The following ZC3H14 variants were observed in gnomAD, a reference collection of about 807,000 sequenced individuals.
ZC3H14 encodes zinc finger CCCH-type containing 14.
In ZC3H14, 31 loss-of-function variants were observed where a neutral mutation model predicts 92.4. That is an observed-to-expected ratio of 0.34 (90% confidence interval 0.25 to 0.45). The LOEUF (loss-of-function observed/expected upper bound fraction) is 0.45, where lower values mean the gene tolerates loss of function less well. ZC3H14 is among the 20% of genes least tolerant of loss of function. ZC3H14 has a pLI of 1.00. For synonymous variants in ZC3H14, 321 were observed against 300.9 expected, an observed-to-expected ratio of 1.07 and a Z score of -0.69; for missense variants, 781 against 897.3, an observed-to-expected ratio of 0.87 and a Z score of 1.66.
chr14:88,604,942 A>G (rs1296630250), intron 12 of ZC3H14, among the ~76,000 whole-genome samples: 1 of 152,208 alleles, frequency 6.6e-6, no homozygotes, highest in Admixed American at 6.5e-5. Flanking sequence ...TTGAACAGAA[A>G]GTTTTAATAG....
rs559007426 is a variant in ZC3H14, at chr14:88,563,082, T to C, written c.-52T>C. The stretch of plus-strand genomic sequence containing the variant: ...TGCGGGGTAGGAGTCCGCGGCAGCC[T>C]CCGGGTAAGCCAAGCGCCGCGCAGT... On this transcript the variant is annotated 5_prime_UTR_variant, in exon 1 of 17. Transcript: ENST00000251038. 7.7e-6 allele frequency: 12 copies of C among 1,553,260 alleles called. No homozygotes were observed. In the South Asian group the frequency reaches 1.3e-4, roughly 17 times the overall value.
At position 88,616,165 on chromosome 14, in the gene ZC3H14, A is replaced by G; in HGVS notation, c.*4414A>G. 6.2e-7 allele frequency: 1 copy of G among 1,613,922 alleles called. No homozygotes were observed. ...ACCTGCAGTCATCACCTCCAGCACT[A>G]ACAACATGTCGATCACCACTGGTAA... On this transcript the variant is annotated 3_prime_UTR_variant, in exon 17 of 17. Transcript: ENST00000251038.
Position 88,602,962 on chromosome 14 carries a change from C to A in ZC3H14, c.1649C>A (p.Thr550Asn), listed in dbSNP as rs769850737. The A allele has an allele frequency of 3.7e-6, 6 of 1,614,164 alleles. No homozygotes were observed. Among genetic ancestry groups the A allele is most frequent in the South Asian group, 2.2e-5 (2 of 91,078 alleles). Residue 550 changes from threonine to asparagine, a missense_variant, in exon 12 of 17, where the codon ACT becomes AAT. Physicochemically the swap from Thr to Asn is moderately conservative, Grantham distance 65. Around this residue, in one of 3 missense-constraint regions of ZC3H14, gnomAD observed 221 missense variants for 304.7 expected, o/e 0.73. Coordinates refer to ENST00000251038, the MANE Select transcript of ZC3H14 (RefSeq NM_024824.5). ...CFEGMKPVNQ[T>N]AASNKGLRGL... ...GAAGGAATGAAACCCGTAAACCAAA[C>A]TGCAGCCTCAAACAAGGGACTCAGA...
In ZC3H14 at chr14:88,609,587, A is replaced by C. The variant is rs1440378589; in HGVS notation, c.2006-125A>C. The C allele has an allele frequency of 2.2e-6, 3 of 1,361,732 alleles. No homozygotes were observed. In the Admixed American group the frequency reaches 5.5e-5, roughly 25 times the overall value. The allele number at this position is 1,361,732 out of a possible 1,614,324, so 84.4% of individuals were successfully genotyped here. A position where few individuals can be genotyped will look rare whatever the true frequency, so the allele number is the denominator to read the frequency against. On this transcript the variant is annotated intron_variant, in intron 14 of 16. Transcript: ENST00000251038. ...GTATTCCGAAGTATTTTGACTAGTG[A>C]ATATATAAACCTTACCATTCTAATT...
chr14:88,618,875 A>C lies in ZC3H14; in HGVS notation c.*7124A>C. ...TGAAGTATTATAAATACTTAAGATC[A>C]GTGACTTTTCCTTTCTAGTTCTTAA... On this transcript the variant is annotated 3_prime_UTR_variant, in exon 17 of 17. Transcript: ENST00000251038. 4 of 1,463,906 alleles carry C rather than the reference A, an allele frequency of 2.7e-6. No homozygotes were observed. The highest frequency in any genetic ancestry group is 2.7e-6 in the Non-Finnish European group (3 of 1,103,836). The allele number at this position is 1,463,906 out of a possible 1,614,324, so 90.7% of individuals were successfully genotyped here.
At chr14:88,610,799 G>T (rs758215743) in intron 15 of ZC3H14, 35 bp from the exon 16 acceptor site, 11 of 1,576,096 alleles carry the variant, frequency 7.0e-6, no homozygotes, top group Non-Finnish European at 9.6e-6. Flanking sequence ...TATTAGCCTT[G>T]TGGATATTGT....
intron 3 of ZC3H14, among the ~76,000 whole-genome samples, chr14:88,568,656 C>T (rs1231111024): frequency 2.6e-5 from 4 of 152,168 alleles, no homozygotes; most frequent in Non-Finnish European, 5.9e-5. Context: ...GACACAGAGC[C>T]AAACCTTATC....
chr14:88,603,924 CTTTAT>C lies in ZC3H14; in HGVS notation c.1747+869_1747+873del, dbSNP rs535254505. 1.8e-3 allele frequency among the ~76,000 whole-genome samples: 276 copies of C among 152,268 alleles called. 1 individual carries two copies. The highest frequency in any genetic ancestry group is 6.3e-3 in the African/African-American group (263 of 41,554). On this transcript the variant is annotated intron_variant, in intron 12 of 16. Transcript: ENST00000251038. ...ATGTTAGTGGAGCAATAACACTTAG[CTTTAT>C]TTTAATTGGTTGCGTTTCCTACTGT...
chr14:88,627,552 C>T lies in ZC3H14; in HGVS notation c.*15801C>T. On this transcript the variant is annotated 3_prime_UTR_variant, in exon 17 of 17. Coordinates refer to ENST00000251038, the MANE Select transcript of ZC3H14 (RefSeq NM_024824.5). Reference sequence around the variant, plus strand: ...ATAGGCCTCCACTGAATGATTGTTTCAACCACCAACTTTAAGACAAATATT... The same window carrying T: ...ATAGGCCTCCACTGAATGATTGTTTTAACCACCAACTTTAAGACAAATATT... The T allele has an allele frequency of 7.6e-7, 1 of 1,312,222 alleles. No individual in the cohort carries two copies. The highest frequency in any genetic ancestry group is 1.0e-6 in the Non-Finnish European group (1 of 972,940). 81.3% of individuals were successfully genotyped at this position (1,312,222 alleles called of 1,614,324 possible).
Position 88,596,631 on chromosome 14 carries a change from T to C in ZC3H14, c.1280-103T>C, listed in dbSNP as rs549895659. On this transcript the variant is annotated intron_variant, in intron 9 of 16. Coordinates refer to ENST00000251038, the MANE Select transcript of ZC3H14 (RefSeq NM_024824.5). The stretch of plus-strand genomic sequence containing the variant: ...GAATTGTTGAAGCTTTAAGTTACTT[T>C]TAAGACTTCAAGTTAAGAACCCAGA... The C allele has an allele frequency of 2.7e-5, 26 of 955,302 alleles. No homozygotes were observed. The South Asian group carries it at 2.8e-4, about 10-fold the overall frequency. The allele number at this position is 955,302 out of a possible 1,614,324, so 59.2% of individuals were successfully genotyped here. A position where few individuals can be genotyped will look rare whatever the true frequency, so the allele number is the denominator to read the frequency against.
chr14:88,625,205 G>A lies in ZC3H14; in HGVS notation c.*13454G>A. ...TTTAAATAGATAATTTTCTATGTAT[G>A]TGTAATGCTGTCTCACCCTTGATAC... On this transcript the variant is annotated 3_prime_UTR_variant, in exon 17 of 17. Coordinates refer to ENST00000251038, the MANE Select transcript of ZC3H14 (RefSeq NM_024824.5). The A allele has an allele frequency of 6.7e-7, 1 of 1,485,568 alleles. No individual in the cohort carries two copies. The highest frequency in any genetic ancestry group is 2.3e-5 in the East Asian group (1 of 42,868). 92.0% of individuals were successfully genotyped at this position (1,485,568 alleles called of 1,614,324 possible).
chr14:88,602,367 G>A (rs2084774659), intron 11 of ZC3H14, among the ~76,000 whole-genome samples: 1 of 152,164 alleles, frequency 6.6e-6, no homozygotes, highest in Non-Finnish European at 1.5e-5. Context: ...AAGTTTAAAA[G>A]CCAGCTGACC....
In ZC3H14 at chr14:88,620,922, ATCT is replaced by A; in HGVS notation, c.*9175_*9177del. The A allele has an allele frequency of 1.3e-6, 2 of 1,482,480 alleles. No individual in the cohort carries two copies. The highest frequency in any genetic ancestry group is 1.8e-6 in the Non-Finnish European group (2 of 1,125,218). 91.8% of individuals were successfully genotyped at this position (1,482,480 alleles called of 1,614,324 possible). On this transcript the variant is annotated 3_prime_UTR_variant, in exon 17 of 17. Coordinates refer to ENST00000251038, the MANE Select transcript of ZC3H14 (RefSeq NM_024824.5). This position sits in a 1 kb window ranked among gnomAD's most constrained non-coding sequence, Gnocchi z 4.3. ...ATGTCCCAAATTCACTTTGTTTAAC[ATCT>A]TCTGCATTTAAAAAAAAAAAAAAAA...
chr14:88,578,899 TCC>T (rs1043634065), intron 9 of ZC3H14, among the ~76,000 whole-genome samples: 3 of 149,314 alleles, frequency 2.0e-5, no homozygotes, highest in African/African-American at 7.4e-5. Context: ...AAAGTATCTC[TCC>T]CCTCCTCCTC....
At chr14:88,598,798 A>G (rs1468168182) in intron 10 of ZC3H14, among the ~76,000 whole-genome samples, 1 of 152,168 alleles carries the variant, frequency 6.6e-6, no homozygotes, top group Non-Finnish European at 1.5e-5. Flanking sequence ...AAAACCAAGA[A>G]AACAGTGGCC....
rs923131688 is a variant in ZC3H14 at position 88,620,603 on chromosome 14, T to C, written c.*8852T>C. 8.0e-6 allele frequency: 5 copies of C among 623,318 alleles called. No homozygotes were observed. The highest frequency in any genetic ancestry group is 1.3e-5 in the Non-Finnish European group (5 of 398,024). The allele number at this position is 623,318 out of a possible 1,614,324, so 38.6% of individuals were successfully genotyped here. The stretch of plus-strand genomic sequence containing the variant: ...ATTTAGCAAGAAGAATTAAGTAGTA[T>C]ACAAACAGCCATATTTTAGCATACA... On this transcript the variant is annotated 3_prime_UTR_variant, in exon 17 of 17. Transcript: ENST00000251038. This position sits in a 1 kb window ranked among gnomAD's most constrained non-coding sequence, Gnocchi z 4.3.
At position 88,621,953 on chromosome 14, in the gene ZC3H14, C is replaced by T; in HGVS notation, c.*10202C>T. 2.2e-6 allele frequency: 1 copy of T among 449,824 alleles called. No homozygotes were observed. Among genetic ancestry groups the T allele is most frequent in the Non-Finnish European group, 4.5e-6 (1 of 223,916 alleles). The allele number at this position is 449,824 out of a possible 1,614,324, so 27.9% of individuals were successfully genotyped here. ...TCTTAACTATAGTCATCCTACAGTACTACAGAATACTAAAACATACTATTC... is the reference window on the plus strand; with the variant it reads ...TCTTAACTATAGTCATCCTACAGTATTACAGAATACTAAAACATACTATTC... On this transcript the variant is annotated 3_prime_UTR_variant, in exon 17 of 17. Transcript: ENST00000251038.
At chr14:88,603,683 A>C (rs1318103430) in intron 12 of ZC3H14, among the ~76,000 whole-genome samples, 8 of 152,200 alleles carry the variant, frequency 5.3e-5, no homozygotes, top group Non-Finnish European at 1.2e-4. Context: ...AGAGAATGGT[A>C]ATTATGTTCC....
At chr14:88,581,751 A>G (rs955734214) in intron 9 of ZC3H14, among the ~76,000 whole-genome samples, 1 of 152,150 alleles carries the variant, frequency 6.6e-6, no homozygotes, top group Non-Finnish European at 1.5e-5. Flanking sequence ...TTGGCCAAAA[A>G]TGGAATTATT....
Sources: gnomAD v4.1 joint callset for allele counts (sites outside exome capture counted in the v4.1 genomes callset) on GRCh38, gnomAD v4.1.1 for gene constraint, gnomAD v4.1.1 regional missense constraint, Gnocchi (gnomAD v3.1) non-coding constraint, MANE v1.5 for transcripts, NCBI Gene and HGNC (gene_info 2026-07-23, HGNC 2026-07-21) for gene names.